Variants in DEPDC5 observed in about 807,000 individuals in gnomAD.
The protein encoded by DEPDC5 is DEP domain containing 5, GATOR1 subcomplex subunit.
In DEPDC5, 73 loss-of-function variants were observed where a neutral mutation model predicts 217.3. The observed-to-expected ratio is 0.34, with a 90% CI of 0.28 to 0.41. DEPDC5 has a LOEUF of 0.41. Among genes scored for constraint, DEPDC5 ranks in the 10% least tolerant of loss-of-function variants. The pLI is 1.00. For synonymous variants in DEPDC5, 733 were observed against 756.7 expected (o/e 0.97, Z 0.51); for missense variants, 1,675 against 2,070.1 (o/e 0.81, Z 3.70).
intron 31 of DEPDC5, among the ~76,000 whole-genome samples, chr22:31,856,829 G>T (rs1228809640): frequency 1.3e-5 from 2 of 152,122 alleles, no homozygotes; most frequent in African/African-American, 2.4e-5. Flanking sequence ...GAGTGCAGTG[G>T]CACCATCTCA....
At position 31,866,640 on chromosome 22, in the gene DEPDC5, TC is replaced by T. The variant is rs535964032; in HGVS notation, c.3331-3947del. On this transcript the variant is annotated intron_variant, in intron 33 of 42. Coordinates refer to ENST00000651528, the MANE Select transcript of DEPDC5 (RefSeq NM_001242896.3). ...ACCTTGTGATCCGCCCACCTCGGCC[TC>T]CCAAAGTGCTGCGATTACAGGTGTG... Among the ~76,000 whole-genome samples the T allele has an allele frequency of 9.6e-3, 1,462 of 152,314 alleles. 20 individuals are homozygous for T. Among genetic ancestry groups the T allele is most frequent in the African/African-American group, 0.032 (1,350 of 41,578 alleles).
intron 10 of DEPDC5, among the ~76,000 whole-genome samples, chr22:31,789,898 T>G (rs2085430903): frequency 6.6e-6 from 1 of 152,112 alleles, no homozygotes; most frequent in Non-Finnish European, 1.5e-5. Context: ...CAGGCCACCA[T>G]GCCTGGCTGA....
chr22:31,766,726 GT>G, intron 6 of DEPDC5, 58 bp downstream of exon 6: 1 of 1,438,686 alleles, frequency 7.0e-7, no homozygotes, highest in Non-Finnish European at 9.7e-7. Flanking sequence ...AATAATCCCT[GT>G]TTATTATGGG....
chr22:31,771,278 A>C (rs903743989), intron 7 of DEPDC5, among the ~76,000 whole-genome samples: 1 of 152,246 alleles, frequency 6.6e-6, no homozygotes, highest in Non-Finnish European at 1.5e-5. Context: ...AAAAGAAAGA[A>C]AGGATAGAGG....
intron 7 of DEPDC5, among the ~76,000 whole-genome samples, chr22:31,774,912 G>T (rs11705097): frequency 0.1 from 15,272 of 151,992 alleles, 841 homozygotes; most frequent in Admixed American, 0.14. Context: ...ATGAGCCACC[G>T]TGCCTGACCT....
intron 21 of DEPDC5, chr22:31,815,653 C>T: frequency 5.3e-6 from 3 of 569,010 alleles, no homozygotes; most frequent in Non-Finnish European, 6.0e-6. Context: ...CCCACTTCTG[C>T]CTCCCAAGTA....
intron 28 of DEPDC5, 92 bp from the exon 29 acceptor site, chr22:31,843,553 A>G: frequency 4.2e-6 from 6 of 1,443,680 alleles, no homozygotes; most frequent in Non-Finnish European, 5.6e-6. Context: ...AATGTCAAGG[A>G]TGGTTCTAAG....
chr22:31,903,026 T>C (rs1036526801), intron 41 of DEPDC5, among the ~76,000 whole-genome samples: 2 of 151,926 alleles, frequency 1.3e-5, no homozygotes. Flanking sequence ...CCAGGAACTA[T>C]TGTACTTTCC....
intron 20 of DEPDC5, among the ~76,000 whole-genome samples, chr22:31,813,107 A>G (rs2088628395): frequency 6.6e-6 from 1 of 152,186 alleles, no homozygotes; most frequent in African/African-American, 2.4e-5. Flanking sequence ...ATTTTGTGGC[A>G]AATGAACTTA....
At chr22:31,859,804 A>C (rs1569131750) in intron 32 of DEPDC5, among the ~76,000 whole-genome samples, 1 of 152,232 alleles carries the variant, frequency 6.6e-6, no homozygotes, top group South Asian at 2.1e-4. Context: ...TTAGGTACCA[A>C]GGACAGTCTG....
At chr22:31,818,327 A>G (rs2089358539) in intron 21 of DEPDC5, among the ~76,000 whole-genome samples, 2 of 152,020 alleles carry the variant, frequency 1.3e-5, no homozygotes, top group Admixed American at 6.6e-5. Flanking sequence ...CCAGCCCACT[A>G]AGTCAGTGGA....
chr22:31,832,597 C>T (rs576240324), intron 24 of DEPDC5, among the ~76,000 whole-genome samples: 56 of 152,122 alleles, frequency 3.7e-4, no homozygotes, highest in Non-Finnish European at 7.4e-4. Flanking sequence ...CACAAGCAGT[C>T]CTCCTGCCTT....
At chr22:31,798,449 T>G (rs1601933747) in intron 13 of DEPDC5, 133 bp from the exon 14 acceptor site, 1 of 573,268 alleles carries the variant, frequency 1.7e-6, no homozygotes, top group African/African-American at 1.9e-5. Context: ...ACCTGGGAGG[T>G]GGAGGTTGCA....
intron 6 of DEPDC5, 26 bp from the exon 7 acceptor site, chr22:31,768,788 C>T (rs374099895): frequency 6.3e-7 from 1 of 1,598,712 alleles, no homozygotes; most frequent in Non-Finnish European, 8.6e-7. Flanking sequence ...CTCCCTCTCT[C>T]TACCCCTCTC....
rs1237443017 is a variant in DEPDC5 at position 31,873,246 on chromosome 22, G to A, written c.3486-9G>A. Reference sequence around the variant, plus strand: ...TCTTGCTTTGCTGACCTGACACCCTGTGTTACAGCTCTCAGCAGCTGGTGG... The same window carrying A: ...TCTTGCTTTGCTGACCTGACACCCTATGTTACAGCTCTCAGCAGCTGGTGG... On this transcript the variant is annotated splice_polypyrimidine_tract_variant and intron_variant, in intron 34 of 42. Coordinates refer to ENST00000651528, the MANE Select transcript of DEPDC5 (RefSeq NM_001242896.3). The A allele has an allele frequency of 3.1e-6, 5 of 1,614,028 alleles. No homozygotes were observed. Among genetic ancestry groups the A allele is most frequent in the Admixed American group, 1.7e-5 (1 of 60,010 alleles).
intron 12 of DEPDC5, among the ~76,000 whole-genome samples, chr22:31,794,775 A>G (rs1026925497): frequency 1.2e-4 from 18 of 152,014 alleles, no homozygotes; most frequent in African/African-American, 4.1e-4. Context: ...AGTTTCAGCT[A>G]TTTGGGAGGC....
chr22:31,829,497 A>G (rs1362262984), intron 24 of DEPDC5, among the ~76,000 whole-genome samples: 1 of 151,928 alleles, frequency 6.6e-6, no homozygotes, highest in Non-Finnish European at 1.5e-5. Flanking sequence ...ATGCCATTGC[A>G]CTCCAGCCAG....
chr22:31,883,893 T>C (rs933978433), intron 38 of DEPDC5, among the ~76,000 whole-genome samples: 1 of 152,146 alleles, frequency 6.6e-6, no homozygotes, highest in African/African-American at 2.4e-5. Context: ...ACTCTCTGGG[T>C]GTGTCCTTTC....
intron 13 of DEPDC5, among the ~76,000 whole-genome samples, chr22:31,798,290 C>A (rs1191107730): frequency 6.6e-6 from 1 of 152,114 alleles, no homozygotes; most frequent in Non-Finnish European, 1.5e-5. Context: ...CAGCACAAGG[C>A]AGGCGGATCA....
Sources: allele counts gnomAD v4.1 joint callset (sites outside exome capture counted in the v4.1 genomes callset), GRCh38; gene constraint gnomAD v4.1.1; transcripts MANE v1.5; gene names NCBI Gene and HGNC (gene_info 2026-07-23, HGNC 2026-07-21).